Variants in TUSC3 observed in about 807,000 individuals in gnomAD.
TUSC3 encodes tumor suppressor candidate 3.
Under a neutral mutation model 44.8 loss-of-function variants are expected in TUSC3, and 45 were observed. The ratio of observed to expected loss-of-function variants is 1.00; its 90% CI spans 0.79 to 1.29. TUSC3 has a LOEUF of 1.29. TUSC3 is among the 50% of genes most tolerant of loss of function. The probability of loss-of-function intolerance (pLI) is 0.00; values close to 1 mark genes in which losing one functional copy is unlikely to be tolerated. For missense variants in TUSC3, 519 were observed against 437.9 expected (o/e 1.19, Z -1.65); for synonymous variants, 212 against 152.9 (o/e 1.39, Z -2.85).
chr8:15,607,119 G>A (rs1238334992), intron 1 of TUSC3, among the ~76,000 whole-genome samples: 1 of 152,028 alleles, frequency 6.6e-6, no homozygotes, highest in Admixed American at 6.6e-5. Flanking sequence ...TTTAAAAAGG[G>A]CATTTCTCCT....
intron 2 of TUSC3, among the ~76,000 whole-genome samples, chr8:15,631,668 TTGTGTGTGTGTGTGTGTGTGTG>T (rs147004169): frequency 1.2e-4 from 18 of 145,114 alleles, no homozygotes; most frequent in Non-Finnish European, 2.4e-4. Flanking sequence ...TTTAAGGCTG[TTGTGTGTGTGTGTGTGTGTGTG>T]TGTGTGTGTG....
chr8:15,686,716 TAC>T (rs1808645202), intron 6 of TUSC3, among the ~76,000 whole-genome samples: 1 of 152,152 alleles, frequency 6.6e-6, no homozygotes, highest in South Asian at 2.1e-4. Context: ...GTAGCTTTAT[TAC>T]AGTCTTCATA....
In TUSC3 at chr8:15,766,453, G is replaced by C. The variant is rs1812328943; in HGVS notation, c.*2297G>C. 1 of 152,064 alleles carries C rather than the reference G, an allele frequency of 6.6e-6. No homozygotes were observed. Among genetic ancestry groups the C allele is most frequent in the African/African-American group, 2.4e-5 (1 of 41,408 alleles). The allele number at this position is 152,064 out of a possible 1,614,324, so 9.4% of individuals were successfully genotyped here. A position where few individuals can be genotyped will look rare whatever the true frequency, so the allele number is the denominator to read the frequency against. On this transcript the variant is annotated 3_prime_UTR_variant, in exon 11 of 11. Coordinates refer to ENST00000503731, the MANE Select transcript of TUSC3 (RefSeq NM_006765.4). ...GTGTCACTTTTTAACCAGATTCACT[G>C]TGCGTTCCAAACTGTCATAAAAATT... is the stretch of plus-strand genomic sequence containing the variant.
intron 1 of TUSC3, among the ~76,000 whole-genome samples, chr8:15,450,876 C>G (rs1800189400): frequency 1.3e-5 from 2 of 152,166 alleles, no homozygotes; most frequent in South Asian, 4.2e-4. Context: ...GGCTTAAAAC[C>G]TCCACAGGCA....
chr8:15,602,485 G>C (rs1199012647), intron 1 of TUSC3, among the ~76,000 whole-genome samples: 1 of 151,414 alleles, frequency 6.6e-6, no homozygotes, highest in Non-Finnish European at 1.5e-5. Flanking sequence ...TGTTTATTTA[G>C]AGGTGATTTC....
chr8:15,635,303 A>G (rs1806015668), intron 2 of TUSC3, among the ~76,000 whole-genome samples: 1 of 152,166 alleles, frequency 6.6e-6, no homozygotes, highest in Admixed American at 6.6e-5. Flanking sequence ...CTGCCGTGTG[A>G]AGGTGTGTGG....
chr8:15,554,608 T>TC, intron 1 of TUSC3, among the ~76,000 whole-genome samples: 1 of 143,646 alleles, frequency 7.0e-6, no homozygotes, highest in East Asian at 2.1e-4. Context: ...TAATTTTTTT[T>TC]TTTTTTTTTT....
chr8:15,503,995 C>T (rs1396699206), intron 2 of TUSC3, among the ~76,000 whole-genome samples: 2 of 125,278 alleles, frequency 1.6e-5, no homozygotes, highest in Admixed American at 9.3e-5. Flanking sequence ...GCCTGGGCAA[C>T]AGAGTGAGAC....
chr8:15,559,150 A>G (rs928428881), intron 1 of TUSC3, among the ~76,000 whole-genome samples: 2 of 141,310 alleles, frequency 1.4e-5, no homozygotes, highest in South Asian at 2.5e-4. Context: ...AGTGCTATAA[A>G]TTTCCCTCTA....
chr8:15,690,297 A>G (rs369762900), intron 6 of TUSC3, among the ~76,000 whole-genome samples: 1 of 151,004 alleles, frequency 6.6e-6, no homozygotes, highest in Admixed American at 6.6e-5. Context: ...TGTGGGCCAC[A>G]TGTATGTCTG....
chr8:15,590,476 A>G (rs1463603139), intron 1 of TUSC3, among the ~76,000 whole-genome samples: 1 of 152,106 alleles, frequency 6.6e-6, no homozygotes, highest in African/African-American at 2.4e-5. Flanking sequence ...CATCTAAGAA[A>G]ATAAATTCTT....
the TUSC3 span, among the ~76,000 whole-genome samples, chr8:15,825,193 A>C: frequency 6.6e-6 from 1 of 152,054 alleles, no homozygotes; most frequent in South Asian, 2.1e-4. Flanking sequence ...TTTATTAAGT[A>C]CCTACTATGT....
chr8:15,733,357 T>G (rs2111752), intron 7 of TUSC3: 168,356 of 391,282 alleles, frequency 0.43, 38,760 homozygotes, highest in Non-Finnish European at 0.47. Flanking sequence ...TTTTGTTTTT[T>G]TTTTTTTCCT....
chr8:15,702,471 T>A (rs915968884), intron 6 of TUSC3, among the ~76,000 whole-genome samples: 2 of 152,164 alleles, frequency 1.3e-5, no homozygotes, highest in Admixed American at 1.3e-4. Context: ...AATCTCATGG[T>A]ATAAATACCT....
At position 15,646,900 on chromosome 8, in the gene TUSC3, T is replaced by C. The variant is rs1279714808; in HGVS notation, c.309-3797T>C. Among the ~76,000 whole-genome samples the C allele has an allele frequency of 4.6e-5, 7 of 152,294 alleles. No individual in the cohort carries two copies. The East Asian group carries it at 1.3e-3, about 29-fold the overall frequency. The stretch of plus-strand genomic sequence containing the variant: ...TAGATTTAACTCATCTCACCTTTCA[T>C]TGCTTTTTGTTTATTCTTTTGTTTA... On this transcript the variant is annotated intron_variant, in intron 2 of 10. Transcript: ENST00000503731.
rs886541885 is a variant in TUSC3, at chr8:15,457,082, C to T, written n.92-26304C>T. Reference sequence around the variant, plus strand: ...TATCGCAAGGATAAAAAACCAAACACTGCGTGTTCTCACTCATAGGTGGGA... The same window carrying T: ...TATCGCAAGGATAAAAAACCAAACATTGCGTGTTCTCACTCATAGGTGGGA... On this transcript the variant is annotated intron_variant and non_coding_transcript_variant, in intron 1 of 5. Transcript: ENST00000503191. Among the ~76,000 whole-genome samples, 8 of 149,242 alleles carry T rather than the reference C, an allele frequency of 5.4e-5. No homozygotes were observed. The South Asian group carries it at 6.4e-4, about 12-fold the overall frequency.
intron 1 of TUSC3, among the ~76,000 whole-genome samples, chr8:15,554,897 A>G (rs1802187206): frequency 6.6e-6 from 1 of 151,092 alleles, no homozygotes; most frequent in South Asian, 2.1e-4. Flanking sequence ...GAGCCACCGC[A>G]CCCGGCCAAC....
chr8:15,561,870 C>T (rs1019170968), intron 1 of TUSC3, among the ~76,000 whole-genome samples: 16 of 152,106 alleles, frequency 1.1e-4, no homozygotes, highest in South Asian at 2.1e-4. Flanking sequence ...GGCTGGCGCA[C>T]GGTGTGCGCA....
At chr8:15,523,019 G>T (rs1554509544) in intron 2 of TUSC3, among the ~76,000 whole-genome samples, 1 of 152,124 alleles carries the variant, frequency 6.6e-6, no homozygotes, top group Non-Finnish European at 1.5e-5. Flanking sequence ...GCTCAATCCT[G>T]TAAGACTGAG....
Sources: gnomAD v4.1 joint callset for allele counts (sites outside exome capture counted in the v4.1 genomes callset) on GRCh38, gnomAD v4.1.1 for gene constraint, MANE v1.5 for transcripts, NCBI Gene and HGNC (gene_info 2026-07-23, HGNC 2026-07-21) for gene names.